BMPR1B: variants seen among roughly 807,000 people sequenced by gnomAD.
BMPR1B encodes the protein bone morphogenetic protein receptor type 1B.
BMPR1B carries 12 observed loss-of-function variants against 59.1 expected under a neutral mutation model. The ratio of observed to expected loss-of-function variants is 0.20; its 90% confidence interval spans 0.13 to 0.33. BMPR1B has a LOEUF of 0.33. Among genes scored for constraint, BMPR1B ranks in the 10% least tolerant of loss-of-function variants. The pLI is 1.00. For synonymous variants in BMPR1B, 237 were observed against 207.3 expected (o/e 1.14, Z -1.23); for missense variants, 550 against 610.9 (o/e 0.90, Z 1.05).
Position 95,043,160 on chromosome 4 carries a change from C to T in BMPR1B, c.-18+47026C>T, listed in dbSNP as rs548826018. Reference sequence around the variant, plus strand: ...ACTGCAGTCCGCAGTCCGGCCTGGGCGACAGAGCGAGACTCCGTCTCAAAA... The same window carrying T: ...ACTGCAGTCCGCAGTCCGGCCTGGGTGACAGAGCGAGACTCCGTCTCAAAA... On this transcript the variant is annotated intron_variant, in intron 3 of 12. Coordinates refer to ENST00000515059, the MANE Select transcript of BMPR1B (RefSeq NM_001203.3). 5.4e-4 allele frequency among the ~76,000 whole-genome samples: 59 copies of T among 109,148 alleles called. 1 individual carries two copies. The South Asian group carries it at 0.019, about 35-fold the overall frequency. 71.6% of individuals were successfully genotyped at this position (109,148 alleles called of 152,430 possible). A position where few individuals can be genotyped will look rare whatever the true frequency, so the allele number is the denominator to read the frequency against.
chr4:94,871,617 ATAAT>A (rs1204927784), intron 1 of BMPR1B, among the ~76,000 whole-genome samples: 1 of 152,192 alleles, frequency 6.6e-6, no homozygotes, highest in African/African-American at 2.4e-5. Flanking sequence ...CTAGAATTTA[ATAAT>A]TAGTTATATT....
rs1340664527 is a variant in BMPR1B at position 94,837,049 on chromosome 4, G to C, written c.-182-38782G>C. 4.2e-5 allele frequency among the ~76,000 whole-genome samples: 6 copies of C among 143,524 alleles called. 1 individual carries two copies. Among genetic ancestry groups the C allele is most frequent in the Non-Finnish European group, 9.2e-5 (6 of 64,998 alleles). 94.2% of individuals were successfully genotyped at this position (143,524 alleles called of 152,430 possible). A position where few individuals can be genotyped will look rare whatever the true frequency, so the allele number is the denominator to read the frequency against. Reference sequence around the variant, plus strand: ...CCCATTGCTTGTTTTTCTCAGGTTTGTCAAAGATCAGATAGTTGTAGATAT... The same window carrying C: ...CCCATTGCTTGTTTTTCTCAGGTTTCTCAAAGATCAGATAGTTGTAGATAT... On this transcript the variant is annotated intron_variant, in intron 1 of 12. Transcript: ENST00000515059.
At chr4:94,997,589 A>G (rs1474714942) in intron 3 of BMPR1B, among the ~76,000 whole-genome samples, 2 of 152,210 alleles carry the variant, frequency 1.3e-5, no homozygotes, top group African/African-American at 2.4e-5. Flanking sequence ...GTATTTTAAC[A>G]TTCATTTAAT....
At chr4:95,125,622 A>T (rs1010715521) in intron 8 of BMPR1B, among the ~76,000 whole-genome samples, 1 of 152,190 alleles carries the variant, frequency 6.6e-6, no homozygotes, top group African/African-American at 2.4e-5. Flanking sequence ...AGCAAATACA[A>T]TTTGAAAATC....
chr4:94,994,043 C>A (rs1378775380), intron 2 of BMPR1B, among the ~76,000 whole-genome samples: 1 of 152,026 alleles, frequency 6.6e-6, no homozygotes, highest in Middle Eastern at 3.2e-3. Flanking sequence ...AAATTAAATT[C>A]TTTGCAAGTA....
At chr4:94,881,416 A>G (rs961339149) in intron 2 of BMPR1B, among the ~76,000 whole-genome samples, 3 of 151,828 alleles carry the variant, frequency 2.0e-5, no homozygotes, top group Non-Finnish European at 4.4e-5. Flanking sequence ...CAGCAGAAGA[A>G]TTTGGCAACG....
intron 1 of BMPR1B, among the ~76,000 whole-genome samples, chr4:94,768,361 A>G (rs531064797): frequency 2.2e-5 from 3 of 136,072 alleles, no homozygotes; most frequent in African/African-American, 9.7e-5. Context: ...CTCCTTAAAA[A>G]ACAACAACAA....
At chr4:94,841,563 G>A (rs1166325362) in intron 1 of BMPR1B, among the ~76,000 whole-genome samples, 1 of 150,466 alleles carries the variant, frequency 6.6e-6, no homozygotes, top group African/African-American at 2.4e-5. Context: ...GACTAGGAAA[G>A]GGAACTCGCT....
chr4:94,810,986 T>A (rs4235438), intron 1 of BMPR1B, among the ~76,000 whole-genome samples: 108,371 of 151,670 alleles, frequency 0.71, 38,950 homozygotes, highest in African/African-American at 0.81. Flanking sequence ...CGACGTTTAT[T>A]TGATTCCCTG....
chr4:95,134,967 T>TAA, intron 10 of BMPR1B, among the ~76,000 whole-genome samples: 1 of 152,278 alleles, frequency 6.6e-6, no homozygotes, highest in East Asian at 1.9e-4. Context: ...AATGCCTGGG[T>TAA]TTTCTTCTGT....
chr4:94,946,003 T>C (rs1270104332), intron 2 of BMPR1B, among the ~76,000 whole-genome samples: 2 of 152,172 alleles, frequency 1.3e-5, no homozygotes, highest in Admixed American at 6.5e-5. Flanking sequence ...TTTTGCAGAG[T>C]ATTCTAAACA....
In BMPR1B at chr4:95,061,160, A is replaced by AACACACACACAC. The variant is rs58119571; in HGVS notation, c.-17-43209_-17-43198dup. Among the ~76,000 whole-genome samples the AACACACACACAC allele has an allele frequency of 2.9e-3, 410 of 142,650 alleles. 4 individuals are homozygous for AACACACACACAC. Among genetic ancestry groups the AACACACACACAC allele is most frequent in the East Asian group, 0.019 (90 of 4,716 alleles). The allele number at this position is 142,650 out of a possible 152,430, so 93.6% of individuals were successfully genotyped here. A position where few individuals can be genotyped will look rare whatever the true frequency, so the allele number is the denominator to read the frequency against. ...GGAATTTTTGACTTGATTTAGAATA[A>AACACACACACAC]ACACACACACACACACACACACACA... On this transcript the variant is annotated intron_variant, in intron 3 of 12. Transcript: ENST00000515059.
At chr4:94,912,626 G>C (rs529677543) in intron 2 of BMPR1B, among the ~76,000 whole-genome samples, 1 of 152,188 alleles carries the variant, frequency 6.6e-6, no homozygotes, top group South Asian at 2.1e-4. Flanking sequence ...TGGTCTTTCC[G>C]AACAACAGTT....
chr4:94,936,575 A>T (rs1729308473), intron 2 of BMPR1B, among the ~76,000 whole-genome samples: 1 of 152,166 alleles, frequency 6.6e-6, no homozygotes, highest in Non-Finnish European at 1.5e-5. Flanking sequence ...TTTGAAAGAC[A>T]TTGGGAGATT....
chr4:94,889,114 T>G lies in BMPR1B; in HGVS notation c.-113+13214T>G, dbSNP rs189184160. 5.2e-4 allele frequency among the ~76,000 whole-genome samples: 79 copies of G among 152,150 alleles called. 1 individual carries two copies. The highest frequency in any genetic ancestry group is 4.7e-3 in the Admixed American group (72 of 15,252). On this transcript the variant is annotated intron_variant, in intron 2 of 12. Coordinates refer to ENST00000515059, the MANE Select transcript of BMPR1B (RefSeq NM_001203.3). ...TAGGATGTCAGTACCAGGAGCCTCT[T>G]GCTGGGGATCCAAGAGAGGCCTCCT... is the stretch of plus-strand genomic sequence containing the variant.
rs530690678 is a variant in BMPR1B at position 94,868,036 on chromosome 4, T to G, written c.-182-7795T>G. ...CCCGCTAATTTTTTTTTTTTTTTTG[T>G]ATTTTCAGTAGAGATGGGGTTTCAC... is the stretch of plus-strand genomic sequence containing the variant. On this transcript the variant is annotated intron_variant, in intron 1 of 12. Coordinates refer to ENST00000515059, the MANE Select transcript of BMPR1B (RefSeq NM_001203.3). 4.2e-5 allele frequency among the ~76,000 whole-genome samples: 6 copies of G among 144,574 alleles called. No individual in the cohort carries two copies. The East Asian group carries it at 1.0e-3, about 25-fold the overall frequency. The allele number at this position is 144,574 out of a possible 152,430, so 94.8% of individuals were successfully genotyped here. A position where few individuals can be genotyped will look rare whatever the true frequency, so the allele number is the denominator to read the frequency against.
chr4:95,120,282 A>G (rs556337256), intron 6 of BMPR1B, among the ~76,000 whole-genome samples: 27 of 152,204 alleles, frequency 1.8e-4, no homozygotes, highest in Non-Finnish European at 3.5e-4. Context: ...ATGAGCAACT[A>G]CGTTGATTGT....
chr4:94,953,195 G>T (rs1730014041), intron 2 of BMPR1B, among the ~76,000 whole-genome samples: 1 of 152,078 alleles, frequency 6.6e-6, no homozygotes, highest in Non-Finnish European at 1.5e-5. Flanking sequence ...GCACACTGAT[G>T]GGTCTTGACT....
chr4:95,090,858 A>C (rs1729926946), intron 3 of BMPR1B, among the ~76,000 whole-genome samples: 2 of 152,092 alleles, frequency 1.3e-5, no homozygotes. Context: ...TTAATGAATC[A>C]AGTCAAATGA....
Sources: allele counts gnomAD v4.1 joint callset (sites outside exome capture counted in the v4.1 genomes callset), GRCh38; gene constraint gnomAD v4.1.1; transcripts MANE v1.5; gene names NCBI Gene and HGNC (gene_info 2026-07-23, HGNC 2026-07-21).